PTPN13: variants seen among roughly 807,000 people sequenced by gnomAD.
PTPN13 encodes the protein tyrosine-protein phosphatase non-receptor type 13.
In PTPN13, 191 loss-of-function variants were observed where a neutral mutation model predicts 284.0. The ratio of observed to expected loss-of-function variants is 0.67; its 90% CI spans 0.60 to 0.76. PTPN13 has a LOEUF of 0.76. Ranked by LOEUF, PTPN13 falls within the 30% of genes least tolerant of loss-of-function variation. The pLI is 0.00. For missense variants in PTPN13, 2,797 were observed against 2,939.9 expected (o/e 0.95, Z 1.12); for synonymous variants, 986 against 1,022.3 (o/e 0.96, Z 0.68).
rs769348849 is a variant in PTPN13, at chr4:86,770,130, T to C, written c.4734T>C (p.Ala1578=). The stretch of plus-strand genomic sequence containing the variant: ...TCATATCTGCTCTCAGGGGAACTGC[T>C]CCAGAAGTATTCTTGCTTCTCTGCA... The part of the protein sequence containing the change: ...QEVISALRGT[A]PEVFLLLCRP... The change falls in exon 30 of 48, where the codon GCT becomes GCC. Residue 1578 remains alanine (A), a synonymous_variant. Coordinates refer to ENST00000411767, the MANE Select transcript of PTPN13 (RefSeq NM_080683.3). 1.2e-6 allele frequency: 2 copies of C among 1,613,792 alleles called. No homozygotes were observed. The highest frequency in any genetic ancestry group is 1.7e-6 in the Non-Finnish European group (2 of 1,179,796).
chr4:86,746,260 T>C (rs1241336101), intron 17 of PTPN13, among the ~76,000 whole-genome samples: 7 of 152,234 alleles, frequency 4.6e-5, no homozygotes, highest in African/African-American at 1.7e-4. Flanking sequence ...ATTTCTGCAA[T>C]TAGAGATTAA....
intron 2 of PTPN13, among the ~76,000 whole-genome samples, chr4:86,665,835 A>T (rs1485040071): frequency 6.6e-6 from 1 of 152,102 alleles, no homozygotes; most frequent in African/African-American, 2.4e-5. Context: ...TGTGGGGGGA[A>T]AATGCTAAGT....
chr4:86,618,270 T>A (rs556752375), intron 1 of PTPN13, among the ~76,000 whole-genome samples: 1 of 152,328 alleles, frequency 6.6e-6, no homozygotes, highest in African/African-American at 2.4e-5. Context: ...GGCTCTGTTC[T>A]GTTCCATTGT....
intron 1 of PTPN13, chr4:86,595,870 A>T: frequency 3.6e-6 from 2 of 555,788 alleles, no homozygotes; most frequent in Non-Finnish European, 4.6e-6. Context: ...AAGTGCATGT[A>T]TTATGAAACA....
intron 4 of PTPN13, among the ~76,000 whole-genome samples, chr4:86,687,277 T>C (rs1410120014): frequency 6.6e-6 from 1 of 152,216 alleles, no homozygotes; most frequent in East Asian, 1.9e-4. Flanking sequence ...ACGACCCCTG[T>C]AACAGCAGAC....
At chr4:86,765,006 T>C (rs1310790525) in intron 25 of PTPN13, among the ~76,000 whole-genome samples, 2 of 152,206 alleles carry the variant, frequency 1.3e-5, no homozygotes, top group Non-Finnish European at 2.9e-5. Flanking sequence ...ATGTAATGCT[T>C]TGTAGATATT....
chr4:86,609,596 AG>A (rs1440024259), intron 1 of PTPN13, among the ~76,000 whole-genome samples: 1 of 152,220 alleles, frequency 6.6e-6, no homozygotes, highest in Non-Finnish European at 1.5e-5. Context: ...ATACAAATAA[AG>A]TATTCATCTT....
At chr4:86,726,130 G>A (rs1179191631) in intron 10 of PTPN13, among the ~76,000 whole-genome samples, 2 of 149,506 alleles carry the variant, frequency 1.3e-5, no homozygotes, top group Non-Finnish European at 3.0e-5. Flanking sequence ...GTTGGTTGTA[G>A]ATGTGTGGTG....
rs964727263 is a variant in PTPN13 at position 86,808,212 on chromosome 4, T to C, written c.7083+315T>C. ...TCAGAAGTTGCATGTTGGAAACTTGTGTTTTTATGGTCAGACCTCTAAGTA... is the reference window on the plus strand; with the variant it reads ...TCAGAAGTTGCATGTTGGAAACTTGCGTTTTTATGGTCAGACCTCTAAGTA... On this transcript the variant is annotated intron_variant, in intron 45 of 47. Coordinates refer to ENST00000411767, the MANE Select transcript of PTPN13 (RefSeq NM_080683.3). Among the ~76,000 whole-genome samples the C allele has an allele frequency of 2.0e-5, 3 of 152,262 alleles. No homozygotes were observed. In the East Asian group the frequency reaches 5.8e-4, roughly 29 times the overall value.
At chr4:86,803,281 A>G (rs1744255352) in intron 42 of PTPN13, among the ~76,000 whole-genome samples, 1 of 151,084 alleles carries the variant, frequency 6.6e-6, no homozygotes, top group Non-Finnish European at 1.5e-5. Flanking sequence ...AATATATAAA[A>G]TAAATAAAAT....
chr4:86,695,859 G>A (rs527412776), intron 6 of PTPN13, among the ~76,000 whole-genome samples: 3 of 151,850 alleles, frequency 2.0e-5, no homozygotes, highest in Non-Finnish European at 4.4e-5. Flanking sequence ...ATTAATTTTT[G>A]CAGACAGTGT....
At chr4:86,666,314 T>TA (rs1727070854) in intron 2 of PTPN13, among the ~76,000 whole-genome samples, 1 of 71,520 alleles carries the variant, frequency 1.4e-5, no homozygotes, top group African/African-American at 5.2e-5. Context: ...AGACTTGCAT[T>TA]AAGGACAGGG....
chr4:86,784,393 C>A, intron 37 of PTPN13, 72 bp from the exon 38 acceptor site: 1 of 930,748 alleles, frequency 1.1e-6, no homozygotes, highest in Non-Finnish European at 1.6e-6. Context: ...AGGAGAGAGA[C>A]AATGTGCAGT....
chr4:86,814,840 C>A lies in PTPN13; in HGVS notation c.*289C>A. The A allele has an allele frequency of 8.0e-6, 2 of 250,642 alleles. No individual in the cohort carries two copies. The highest frequency in any genetic ancestry group is 1.5e-5 in the Non-Finnish European group (2 of 131,720). 15.5% of individuals were successfully genotyped at this position (250,642 alleles called of 1,614,324 possible). ...ATGATAGCAGACATTGTTACAAGGA[C>A]ATGGTGAGTCTATTTTTAATGCACC... On this transcript the variant is annotated 3_prime_UTR_variant, in exon 48 of 48. Transcript: ENST00000411767.
intron 37 of PTPN13, among the ~76,000 whole-genome samples, chr4:86,783,312 A>G (rs891203647): frequency 1.3e-5 from 2 of 152,190 alleles, no homozygotes; most frequent in East Asian, 1.9e-4. Context: ...AACACTCACT[A>G]TTCTCTGTTT....
chr4:86,774,584 G>A, intron 33 of PTPN13, 53 bp downstream of exon 33: 1 of 1,466,850 alleles, frequency 6.8e-7, no homozygotes, highest in African/African-American at 1.4e-5. Flanking sequence ...CAAAGAGCAA[G>A]CCAGAAAAAG....
intron 1 of PTPN13, among the ~76,000 whole-genome samples, chr4:86,621,314 A>G (rs1721215001): frequency 6.6e-6 from 1 of 152,168 alleles, no homozygotes; most frequent in Admixed American, 6.5e-5. Context: ...TTTAGACTTT[A>G]CCGTATAAAT....
At chr4:86,662,873 A>G (rs1026153585) in intron 2 of PTPN13, among the ~76,000 whole-genome samples, 2 of 152,164 alleles carry the variant, frequency 1.3e-5, no homozygotes, top group African/African-American at 2.4e-5. Flanking sequence ...TGGTTTATAG[A>G]ACGTGTTGGA....
chr4:86,758,552 T>A, intron 21 of PTPN13, 126 bp from the exon 22 acceptor site: 1 of 960,510 alleles, frequency 1.0e-6, no homozygotes, highest in Non-Finnish European at 1.6e-6. Flanking sequence ...TCCACAAAAT[T>A]TAATATGTGT....
Sources: gnomAD v4.1 joint callset for allele counts (sites outside exome capture counted in the v4.1 genomes callset) on GRCh38, gnomAD v4.1.1 for gene constraint, MANE v1.5 for transcripts, NCBI Gene and HGNC (gene_info 2026-07-23, HGNC 2026-07-21) for gene names.